CD247: variants seen among roughly 807,000 people sequenced by gnomAD.
The protein encoded by CD247 is CD247 molecule.
Under a neutral mutation model 30.0 loss-of-function variants are expected in CD247, and 13 were observed. The observed-to-expected ratio is 0.43, with a 90% confidence interval of 0.28 to 0.69. The LOEUF is 0.69. CD247 is among the 30% of genes least tolerant of loss of function. CD247 has a pLI of 0.16. For synonymous variants in CD247, 72 were observed against 80.0 expected (o/e 0.90, Z 0.53); for missense variants, 193 against 212.6 (o/e 0.91, Z 0.57).
Position 167,431,096 on chromosome 1 carries a change from A to G in CD247, c.*585T>C. 4.7e-6 allele frequency: 2 copies of G among 423,078 alleles called. No individual in the cohort carries two copies. The highest frequency in any genetic ancestry group is 3.9e-5 in the Admixed American group (1 of 25,966). The allele number at this position is 423,078 out of a possible 1,614,324, so 26.2% of individuals were successfully genotyped here. A position where few individuals can be genotyped will look rare whatever the true frequency, so the allele number is the denominator to read the frequency against. ...CCGCTGCCCTCGCAGGCCCTGGCTG[A>G]CCCTCCCCTGCCCGCCCACCTTCCC... On this transcript the variant is annotated 3_prime_UTR_variant, in exon 8 of 8. Transcript: ENST00000362089.
At chr1:167,435,363 C>G in intron 5 of CD247, 36 bp downstream of exon 5, 1 of 1,566,884 alleles carries the variant, frequency 6.4e-7, no homozygotes, top group Middle Eastern at 1.7e-4. Flanking sequence ...CTTCCTCCAA[C>G]TTTCCAAGGT....
chr1:167,492,478 C>T lies in CD247; in HGVS notation c.58+25930G>A, dbSNP rs577488730. Among the ~76,000 whole-genome samples, 12 of 152,266 alleles carry T rather than the reference C, an allele frequency of 7.9e-5. No individual in the cohort carries two copies. The South Asian group carries it at 8.3e-4, about 11-fold the overall frequency. On this transcript the variant is annotated intron_variant, in intron 1 of 7. Coordinates refer to ENST00000362089, the MANE Select transcript of CD247 (RefSeq NM_198053.3). ...TAGGCAACAGTTTGCAAAATTTAGA[C>T]GCTTATGTGTGCACAAAGGAAAAAA...
intron 1 of CD247, among the ~76,000 whole-genome samples, chr1:167,505,153 C>T (rs1036385956): frequency 2.0e-5 from 3 of 152,062 alleles, no homozygotes; most frequent in African/African-American, 7.2e-5. Context: ...TTTTTAGAGA[C>T]AGGGTCTTGC....
At chr1:167,455,421 G>T (rs1212645394) in intron 1 of CD247, among the ~76,000 whole-genome samples, 1 of 152,212 alleles carries the variant, frequency 6.6e-6, no homozygotes, top group Non-Finnish European at 1.5e-5. Context: ...CGTGAAGGAC[G>T]CCCTCCGCAA....
At chr1:167,453,900 G>A (rs2102014967) in intron 1 of CD247, among the ~76,000 whole-genome samples, 1 of 152,298 alleles carries the variant, frequency 6.6e-6, no homozygotes, top group South Asian at 2.1e-4. Flanking sequence ...AGAGGTGGAG[G>A]CTGCTGTGAG....
At chr1:167,469,464 G>T (rs995762634) in intron 1 of CD247, among the ~76,000 whole-genome samples, 3 of 152,186 alleles carry the variant, frequency 2.0e-5, no homozygotes, top group Non-Finnish European at 4.4e-5. Context: ...TCTGGCATTG[G>T]ATTACTTCCC....
intron 1 of CD247, among the ~76,000 whole-genome samples, chr1:167,476,659 C>CA (rs1208140994): frequency 9.9e-5 from 15 of 152,008 alleles, no homozygotes; most frequent in East Asian, 7.7e-4. Context: ...CCCATCTCTA[C>CA]AAAAAAATAG....
intron 1 of CD247, among the ~76,000 whole-genome samples, chr1:167,517,763 G>A (rs748382259): frequency 6.6e-6 from 1 of 152,294 alleles, no homozygotes; most frequent in African/African-American, 2.4e-5. Context: ...GCGTGGGTGT[G>A]GGGACAGCCA....
At chr1:167,442,087 GCA>G (rs1329466421) in intron 1 of CD247, among the ~76,000 whole-genome samples, 2 of 152,222 alleles carry the variant, frequency 1.3e-5, no homozygotes, top group Non-Finnish European at 2.9e-5. Flanking sequence ...CTTCAGCCTG[GCA>G]CACAGAGTGA....
chr1:167,434,812 G>A (rs938464615), intron 5 of CD247: 83 of 452,834 alleles, frequency 1.8e-4, no homozygotes, highest in Non-Finnish European at 3.5e-4. Flanking sequence ...AGGTGCTGCT[G>A]CAGGCCGCAA....
intron 1 of CD247, among the ~76,000 whole-genome samples, chr1:167,475,986 T>A (rs1653728642): frequency 6.6e-6 from 1 of 152,204 alleles, no homozygotes; most frequent in Non-Finnish European, 1.5e-5. Context: ...ATAATGGTAG[T>A]ATAGTATATA....
chr1:167,472,074 T>C (rs1653556772), intron 1 of CD247, among the ~76,000 whole-genome samples: 2 of 152,108 alleles, frequency 1.3e-5, no homozygotes, highest in Admixed American at 6.5e-5. Flanking sequence ...CCTCAGGTGA[T>C]CCACTCGCCT....
At chr1:167,433,164 A>G (rs1354657896) in intron 6 of CD247, 105 bp from the exon 7 acceptor site, 1 of 1,149,142 alleles carries the variant, frequency 8.7e-7, no homozygotes, top group Non-Finnish European at 1.3e-6. Flanking sequence ...AGTCAGAGGT[A>G]ACTGTCTCCC....
intron 1 of CD247, among the ~76,000 whole-genome samples, chr1:167,497,990 G>T (rs905716256): frequency 3.6e-4 from 55 of 152,176 alleles, no homozygotes; most frequent in Non-Finnish European, 7.2e-4. Context: ...ATAGTTTACT[G>T]AGGGTCTAGA....
chr1:167,507,263 T>TG (rs1655183768), intron 1 of CD247, among the ~76,000 whole-genome samples: 1 of 151,182 alleles, frequency 6.6e-6, no homozygotes, highest in African/African-American at 2.4e-5. Context: ...GAATGGTGAT[T>TG]GGAGAGAGAG....
chr1:167,491,204 C>T (rs1654430246), intron 1 of CD247, among the ~76,000 whole-genome samples: 1 of 152,102 alleles, frequency 6.6e-6, no homozygotes, highest in Non-Finnish European at 1.5e-5. Context: ...GAATGCCGTG[C>T]ACTGTGGGCG....
chr1:167,473,773 G>A (rs1179342221), intron 1 of CD247, among the ~76,000 whole-genome samples: 3 of 152,222 alleles, frequency 2.0e-5, no homozygotes, highest in Admixed American at 2.0e-4. Context: ...AGCTCTCACT[G>A]TGAAGGGGAA....
chr1:167,471,231 A>G (rs1020467554), intron 1 of CD247, among the ~76,000 whole-genome samples: 3 of 152,084 alleles, frequency 2.0e-5, no homozygotes, highest in East Asian at 3.8e-4. Context: ...AGACAAATAT[A>G]TTTTTCTGGA....
intron 1 of CD247, among the ~76,000 whole-genome samples, chr1:167,455,048 C>T (rs1652571764): frequency 6.6e-6 from 1 of 152,224 alleles, no homozygotes; most frequent in African/African-American, 2.4e-5. Flanking sequence ...CCTCGGTGCC[C>T]GCGCCTGGGC....
Sources: allele counts gnomAD v4.1 joint callset (sites outside exome capture counted in the v4.1 genomes callset), GRCh38; gene constraint gnomAD v4.1.1; transcripts MANE v1.5; gene names NCBI Gene and HGNC (gene_info 2026-07-23, HGNC 2026-07-21).